Variants in PPP1R12B observed in about 807,000 individuals in gnomAD.
The protein encoded by PPP1R12B is myosin phosphatase target subunit 2.
Under a neutral mutation model 126.1 loss-of-function variants are expected in PPP1R12B, and 76 were observed. The ratio of observed to expected loss-of-function variants is 0.60; its 90% CI spans 0.50 to 0.73. The LOEUF (loss-of-function observed/expected upper bound fraction) is 0.73, where lower values mean the gene tolerates loss of function less well. Among genes scored for constraint, PPP1R12B ranks in the 30% least tolerant of loss-of-function variants. The pLI is 0.00. For synonymous variants in PPP1R12B, 356 were observed against 434.7 expected (o/e 0.82, Z 2.25); for missense variants, 1,052 against 1,205.1 (o/e 0.87, Z 1.88).
chr1:202,442,549 C>T lies in PPP1R12B; in HGVS notation c.1644C>T (p.Thr548=), dbSNP rs761983683. ...TCCCACAGACAATTGCTCCCTCCAC[C>T]TATGTATCAACTTACTTGAAAAGGT... ...NEIPQTIAPS[T]YVSTYLKRTP... The change falls in exon 12 of 24, where the codon ACC becomes ACT. Residue 548 remains threonine, a synonymous_variant. Coordinates refer to ENST00000608999, the MANE Select transcript of PPP1R12B (RefSeq NM_002481.4). 7.4e-5 allele frequency: 119 copies of T among 1,612,922 alleles called. 1 individual carries two copies. In the African/African-American group the frequency reaches 1.1e-3, roughly 15 times the overall value.
intron 13 of PPP1R12B, among the ~76,000 whole-genome samples, chr1:202,485,639 T>C (rs1342421005): frequency 1.3e-5 from 2 of 152,134 alleles, no homozygotes; most frequent in African/African-American, 4.8e-5. Context: ...GGGAAGACAG[T>C]GTGGCAGAAG....
At chr1:202,571,847 T>A (rs1688642444) in intron 23 of PPP1R12B, among the ~76,000 whole-genome samples, 1 of 152,072 alleles carries the variant, frequency 6.6e-6, no homozygotes, top group African/African-American at 2.4e-5. Context: ...GAAGAAGAAA[T>A]GCCTGTAAAC....
chr1:202,420,022 G>A (rs1443618865), intron 2 of PPP1R12B, among the ~76,000 whole-genome samples: 1 of 152,188 alleles, frequency 6.6e-6, no homozygotes, highest in Non-Finnish European at 1.5e-5. Flanking sequence ...CTTTACATAA[G>A]ATAATGTGAA....
In PPP1R12B at chr1:202,512,759, T is replaced by TA. The variant is rs1265685372; in HGVS notation, c.2490+15938dup. ...TTTCATACATGGTATTTTCATTCTC[T>TA]AGAATTCTCTTCCTCTTACTTTACT... On this transcript the variant is annotated intron_variant, in intron 18 of 23. Coordinates refer to ENST00000608999, the MANE Select transcript of PPP1R12B (RefSeq NM_002481.4). 1.4e-4 allele frequency among the ~76,000 whole-genome samples: 21 copies of TA among 152,290 alleles called. No homozygotes were observed. In the South Asian group the frequency reaches 3.7e-3, roughly 27 times the overall value.
At chr1:202,431,699 G>T in intron 8 of PPP1R12B, 80 bp downstream of exon 8, 2 of 1,366,378 alleles carry the variant, frequency 1.5e-6, no homozygotes, top group Non-Finnish European at 2.0e-6. Flanking sequence ...AGCTAGCCAG[G>T]CCTCACAGGA....
At chr1:202,466,259 T>G (rs931345757) in intron 13 of PPP1R12B, among the ~76,000 whole-genome samples, 1 of 152,112 alleles carries the variant, frequency 6.6e-6, no homozygotes, top group Non-Finnish European at 1.5e-5. Flanking sequence ...CAGTGAATTT[T>G]TTCTGGCAAA....
rs1173619093 is a variant in PPP1R12B at position 202,528,739 on chromosome 1, T to C, written c.2491-30138T>C. Among the ~76,000 whole-genome samples, 4 of 151,690 alleles carry C rather than the reference T, an allele frequency of 2.6e-5. No homozygotes were observed. The East Asian group carries it at 5.8e-4, about 22-fold the overall frequency. ...GGACTGAAAGGTTTTTTTTTTGTTT[T>C]TGTTTTTGTTTTTTTTTACATATAT... On this transcript the variant is annotated intron_variant, in intron 18 of 23. Transcript: ENST00000608999.
intron 19 of PPP1R12B, chr1:202,562,497 G>A: frequency 2.1e-6 from 1 of 469,858 alleles, no homozygotes; most frequent in East Asian, 5.2e-5. Context: ...AATATGAAAA[G>A]CTCTTAAGAT....
chr1:202,527,177 T>C (rs1387857513), intron 18 of PPP1R12B: 3 of 152,200 alleles, frequency 2.0e-5, no homozygotes, highest in African/African-American at 7.2e-5. Context: ...CAATAAGCCT[T>C]TTTATTTTCC....
At chr1:202,566,389 T>C (rs1301892387) in intron 21 of PPP1R12B, among the ~76,000 whole-genome samples, 1 of 152,244 alleles carries the variant, frequency 6.6e-6, no homozygotes, top group Non-Finnish European at 1.5e-5. Context: ...CTCTGCCATT[T>C]ACCAAAAATG....
chr1:202,376,583 T>C (rs1661206678), intron 1 of PPP1R12B, among the ~76,000 whole-genome samples: 1 of 152,172 alleles, frequency 6.6e-6, no homozygotes. Context: ...AGTTTAGGGA[T>C]TGGTATGAAA....
intron 1 of PPP1R12B, among the ~76,000 whole-genome samples, chr1:202,371,394 T>C (rs1184148186): frequency 1.3e-5 from 2 of 152,100 alleles, no homozygotes; most frequent in Admixed American, 6.6e-5. Context: ...ATTGTTTGTA[T>C]AGTGTTATTT....
In PPP1R12B at chr1:202,588,972, A is replaced by G. The variant is rs1321344435; in HGVS notation, c.*8412A>G. The G allele has an allele frequency of 6.6e-6, 1 of 152,180 alleles. No individual in the cohort carries two copies. Among genetic ancestry groups the G allele is most frequent in the African/African-American group, 2.4e-5 (1 of 41,444 alleles). 9.4% of individuals were successfully genotyped at this position (152,180 alleles called of 1,614,324 possible). ...AGGTGTTGAGGCCATCCAGGTGAAC[A>G]CTAGCACACTCTAGTACATGGGAAA... On this transcript the variant is annotated 3_prime_UTR_variant, in exon 24 of 24. Coordinates refer to ENST00000608999, the MANE Select transcript of PPP1R12B (RefSeq NM_002481.4).
At chr1:202,559,517 C>G (rs115001183) in intron 19 of PPP1R12B, among the ~76,000 whole-genome samples, 1 of 152,054 alleles carries the variant, frequency 6.6e-6, no homozygotes, top group Non-Finnish European at 1.5e-5. Context: ...AGTTTTTCAC[C>G]TAGTATCTAA....
At chr1:202,519,981 C>T (rs1053556483) in intron 18 of PPP1R12B, among the ~76,000 whole-genome samples, 1 of 152,178 alleles carries the variant, frequency 6.6e-6, no homozygotes, top group Non-Finnish European at 1.5e-5. Flanking sequence ...CAGGCTATTC[C>T]TTTGTAGAGT....
At chr1:202,360,079 G>T (rs956970712) in intron 1 of PPP1R12B, among the ~76,000 whole-genome samples, 3 of 152,116 alleles carry the variant, frequency 2.0e-5, no homozygotes, top group Non-Finnish European at 2.9e-5. Context: ...CTACAACCTA[G>T]ATTTTTCTGA....
At chr1:202,492,143 T>G (rs1572259076) in intron 14 of PPP1R12B, among the ~76,000 whole-genome samples, 1 of 152,226 alleles carries the variant, frequency 6.6e-6, no homozygotes, top group East Asian at 1.9e-4. Flanking sequence ...GTGTTCGGTA[T>G]TCATCCTATA....
In PPP1R12B at chr1:202,365,602, G is replaced by A. The variant is rs1659079244; in HGVS notation, c.291+16460G>A. Among the ~76,000 whole-genome samples, 3 of 152,118 alleles carry A rather than the reference G, an allele frequency of 2.0e-5. 1 individual carries two copies. In the South Asian group the frequency reaches 6.2e-4, roughly 31 times the overall value. On this transcript the variant is annotated intron_variant, in intron 1 of 23. Coordinates refer to ENST00000608999, the MANE Select transcript of PPP1R12B (RefSeq NM_002481.4). ...AGAAGGTAATTTGTCCTAACCTAGG[G>A]ATCACACGTCATGCTGGTATTTAAA... is the stretch of plus-strand genomic sequence containing the variant.
In PPP1R12B at chr1:202,472,529, G is replaced by A. The variant is rs552316963; in HGVS notation, c.1851-16004G>A. 2.4e-3 allele frequency among the ~76,000 whole-genome samples: 368 copies of A among 152,318 alleles called. 1 individual carries two copies. The highest frequency in any genetic ancestry group is 4.2e-3 in the Non-Finnish European group (285 of 68,036). ...ATCGGTAACACTTGTTCTGACCAGT[G>A]AACTAACTGTAGAGTGACCTATGTA... On this transcript the variant is annotated intron_variant, in intron 13 of 23. Coordinates refer to ENST00000608999, the MANE Select transcript of PPP1R12B (RefSeq NM_002481.4).
Sources: allele counts gnomAD v4.1 joint callset (sites outside exome capture counted in the v4.1 genomes callset), GRCh38; gene constraint gnomAD v4.1.1; transcripts MANE v1.5; gene names NCBI Gene and HGNC (gene_info 2026-07-23, HGNC 2026-07-21).